DNAH11: variants seen among roughly 807,000 people sequenced by gnomAD.
The protein encoded by DNAH11 is dynein axonemal heavy chain 11, also known as axonemal beta dynein heavy chain 11.
In DNAH11, 442 loss-of-function variants were observed where a neutral mutation model predicts 526.0. That is an observed-to-expected ratio of 0.84 (90% CI 0.78 to 0.91). The LOEUF is 0.91. Among genes scored for constraint, DNAH11 ranks in the 40% least tolerant of loss-of-function variants. DNAH11 has a pLI of 0.00. For missense variants in DNAH11, 6,989 were observed against 5,448.7 expected (o/e 1.28, Z -8.90); for synonymous variants, 2,461 against 1,935.9 (o/e 1.27, Z -7.12).
intron 8 of DNAH11, among the ~76,000 whole-genome samples, chr7:21,578,933 G>C (rs753437647): frequency 6.6e-6 from 1 of 152,100 alleles, no homozygotes; most frequent in Non-Finnish European, 1.5e-5. Context: ...CATATAATGG[G>C]CTACTTAGTG....
intron 35 of DNAH11, among the ~76,000 whole-genome samples, chr7:21,695,729 A>G (rs1426975024): frequency 6.6e-6 from 1 of 152,234 alleles, no homozygotes; most frequent in Non-Finnish European, 1.5e-5. Flanking sequence ...ACAAAAGCCA[A>G]AATTGACAAA....
intron 25 of DNAH11, among the ~76,000 whole-genome samples, chr7:21,635,201 G>GC (rs1714767358): frequency 6.6e-6 from 1 of 152,108 alleles, no homozygotes; most frequent in Non-Finnish European, 1.5e-5. Flanking sequence ...TGTTGCCCAG[G>GC]CTTGGAGTGC....
At chr7:21,543,725 C>G (rs1482736351) in intron 1 of DNAH11, 129 bp downstream of exon 1, 2 of 987,422 alleles carry the variant, frequency 2.0e-6, no homozygotes, top group Non-Finnish European at 2.9e-6. Context: ...CTTGAAGTCC[C>G]CATCCTGAGG....
At position 21,752,986 on chromosome 7, in the gene DNAH11, C is replaced by T. The variant is rs145316453; in HGVS notation, c.8940+2622C>T. Reference sequence around the variant, plus strand: ...TTGGCCTCCTAAAGTGCTGGGATTACAGGCATGAGCAAGATAATCTTTACT... The same window carrying T: ...TTGGCCTCCTAAAGTGCTGGGATTATAGGCATGAGCAAGATAATCTTTACT... On this transcript the variant is annotated intron_variant, in intron 54 of 81. Coordinates refer to ENST00000409508, the MANE Select transcript of DNAH11 (RefSeq NM_001277115.2). 3.0e-3 allele frequency among the ~76,000 whole-genome samples: 462 copies of T among 152,316 alleles called. 1 individual carries two copies. Among genetic ancestry groups the T allele is most frequent in the African/African-American group, 0.01 (425 of 41,568 alleles).
rs1320072390 is a variant in DNAH11, at chr7:21,901,172, A to T, written c.13469A>T (p.Tyr4490Phe). The change falls in exon 82 of 82, where the codon TAC becomes TTC. Residue 4490 changes from tyrosine to phenylalanine, a missense_variant. Transcript: ENST00000409508. ...VYRTKLRGPS[Y>F]IWTFRLKSEE... ...AGAACCAAACTGAGAGGCCCCAGCT[A>T]CATCTGGACCTTCAGGCTGAAGAGC... The T allele has an allele frequency of 3.1e-6, 5 of 1,611,360 alleles. No homozygotes were observed. In the East Asian group the frequency reaches 8.9e-5, roughly 29 times the overall value.
chr7:21,818,672 A>G (rs1002820746), intron 65 of DNAH11, among the ~76,000 whole-genome samples: 13 of 152,184 alleles, frequency 8.5e-5, no homozygotes, highest in East Asian at 7.7e-4. Context: ...AGGGCTGCCT[A>G]TCTACATATC....
intron 63 of DNAH11, 109 bp from the exon 64 acceptor site, chr7:21,816,355 TATC>T (rs1789790035): frequency 1.2e-6 from 1 of 805,552 alleles, no homozygotes; most frequent in African/African-American, 1.7e-5. Context: ...CACAGAAAAT[TATC>T]ATGTGTTTAC....
intron 62 of DNAH11, among the ~76,000 whole-genome samples, chr7:21,802,936 C>CTATATATATATAA (rs922017016): frequency 1.4e-4 from 21 of 149,038 alleles, no homozygotes; most frequent in Admixed American, 3.4e-4. Flanking sequence ...TTGTGCAAGT[C>CTATATATATATAA]TATATATATA....
intron 68 of DNAH11, among the ~76,000 whole-genome samples, chr7:21,858,421 T>C (rs1375315026): frequency 2.0e-5 from 3 of 152,252 alleles, no homozygotes; most frequent in Non-Finnish European, 4.4e-5. Context: ...GCTTAACAAA[T>C]GTTCATAGAT....
At chr7:21,632,620 A>G (rs1786667939) in intron 25 of DNAH11, among the ~76,000 whole-genome samples, 1 of 152,190 alleles carries the variant, frequency 6.6e-6, no homozygotes, top group African/African-American at 2.4e-5. Context: ...AAACATAACA[A>G]GAGTCACCTT....
rs760682637 is a variant in DNAH11, at chr7:21,738,871, G to A, written c.7811+5G>A. The A allele has an allele frequency of 6.3e-7, 1 of 1,584,304 alleles. No individual in the cohort carries two copies. Among genetic ancestry groups the A allele is most frequent in the Admixed American group, 1.8e-5 (1 of 55,100 alleles). On this transcript the variant is annotated splice_donor_5th_base_variant and intron_variant, in intron 47 of 81. Coordinates refer to ENST00000409508, the MANE Select transcript of DNAH11 (RefSeq NM_001277115.2). ...GCATATTGATTATGGACATTGGTAA[G>A]CAAGTCTCTGTAGTTTACTCTCTCC...
chr7:21,783,522 A>G (rs1365864332), intron 57 of DNAH11, among the ~76,000 whole-genome samples: 1 of 152,148 alleles, frequency 6.6e-6, no homozygotes, highest in Non-Finnish European at 1.5e-5. Flanking sequence ...CATGGTGGCT[A>G]GATCCTGGTG....
rs1783385894 is a variant in DNAH11 at position 21,868,811 on chromosome 7, C to T, written c.11840-53C>T. On this transcript the variant is annotated intron_variant, in intron 72 of 81. Transcript: ENST00000409508. ...CATTAGACCACAGAATTCCAGGCTCCTCTCACCCTCCTTCATAGACATTTC... is the reference window on the plus strand; with the variant it reads ...CATTAGACCACAGAATTCCAGGCTCTTCTCACCCTCCTTCATAGACATTTC... The T allele has an allele frequency of 3.1e-6, 5 of 1,607,950 alleles. No homozygotes were observed. In the Admixed American group the frequency reaches 5.0e-5, roughly 16 times the overall value.
intron 44 of DNAH11, 90 bp downstream of exon 44, chr7:21,720,946 T>G (rs1309530139): frequency 2.0e-6 from 3 of 1,475,622 alleles, no homozygotes; most frequent in Non-Finnish European, 2.7e-6. Context: ...TGTACCTTTT[T>G]GTTATGTTAT....
intron 79 of DNAH11, 96 bp downstream of exon 79, chr7:21,895,095 C>A: frequency 1.0e-6 from 1 of 1,002,908 alleles, no homozygotes; most frequent in Non-Finnish European, 1.5e-6. Flanking sequence ...GCAGACGGAG[C>A]TTTGTGACTG....
At chr7:21,706,464 T>C (rs1784265053) in intron 39 of DNAH11, among the ~76,000 whole-genome samples, 2 of 152,002 alleles carry the variant, frequency 1.3e-5, no homozygotes, top group South Asian at 4.2e-4. Context: ...AGAAAAAAAA[T>C]CTCTGTATAG....
chr7:21,694,595 A>G (rs770733700), intron 35 of DNAH11, among the ~76,000 whole-genome samples: 4 of 152,120 alleles, frequency 2.6e-5, no homozygotes, highest in Non-Finnish European at 5.9e-5. Context: ...TTTCCAGTCT[A>G]TCATTGATGA....
At chr7:21,734,052 C>A (rs777658556) in intron 45 of DNAH11, among the ~76,000 whole-genome samples, 1 of 152,178 alleles carries the variant, frequency 6.6e-6, no homozygotes, top group East Asian at 1.9e-4. Context: ...CACACCCAGG[C>A]AGCCTGGCTC....
chr7:21,774,020 T>C, intron 56 of DNAH11, 21 bp downstream of exon 56: 2 of 1,512,374 alleles, frequency 1.3e-6, no homozygotes, highest in Non-Finnish European at 1.8e-6. Context: ...GATGTGTTAT[T>C]ACTGAGTAAT....
Sources: allele counts gnomAD v4.1 joint callset (sites outside exome capture counted in the v4.1 genomes callset), GRCh38; gene constraint gnomAD v4.1.1; transcripts MANE v1.5; gene names NCBI Gene and HGNC (gene_info 2026-07-23, HGNC 2026-07-21).